LRCH1: variants seen among roughly 807,000 people sequenced by gnomAD.
LRCH1 encodes the protein leucine rich repeats and calponin homology domain containing 1.
In LRCH1, 23 loss-of-function variants were observed where a neutral mutation model predicts 94.9. That is an observed-to-expected ratio of 0.24 (90% confidence interval 0.17 to 0.34). LRCH1 has a LOEUF of 0.34. LRCH1 is among the 10% of genes least tolerant of loss of function. The pLI, the probability that LRCH1 is intolerant of heterozygous loss-of-function variation, is 1.00. For missense variants in LRCH1, 790 were observed against 945.9 expected, an observed-to-expected ratio of 0.84 and a Z score of 2.16; for synonymous variants, 364 against 354.9, an observed-to-expected ratio of 1.03 and a Z score of -0.29.
chr13:46,630,564 A>G (rs747016121), intron 1 of LRCH1, among the ~76,000 whole-genome samples: 3 of 152,210 alleles, frequency 2.0e-5, no homozygotes, highest in South Asian at 4.1e-4. Context: ...CCTTAATTTG[A>G]TAAGAGCTCT....
Position 46,676,274 on chromosome 13 carries a change from G to C in LRCH1, c.580-5467G>C, listed in dbSNP as rs548104938. Among the ~76,000 whole-genome samples the C allele has an allele frequency of 2.6e-5, 4 of 151,946 alleles. No homozygotes were observed. The South Asian group carries it at 6.3e-4, about 24-fold the overall frequency. On this transcript the variant is annotated intron_variant, in intron 3 of 19. Coordinates refer to ENST00000389797, the MANE Select transcript of LRCH1 (RefSeq NM_001164211.2). ...TCCGTCTCGGTGGGGTGGGGGGAAAGACAGCAAGTTCTGACCACAAGCATT... is the reference window on the plus strand; with the variant it reads ...TCCGTCTCGGTGGGGTGGGGGGAAACACAGCAAGTTCTGACCACAAGCATT...
At chr13:46,561,653 T>C (rs1035477369) in intron 1 of LRCH1, among the ~76,000 whole-genome samples, 8 of 152,230 alleles carry the variant, frequency 5.3e-5, no homozygotes, top group Non-Finnish European at 1.2e-4. Flanking sequence ...TTAACTACTT[T>C]ATCTCTGCAG....
chr13:46,617,862 T>C (rs970577302), intron 1 of LRCH1, among the ~76,000 whole-genome samples: 1 of 152,192 alleles, frequency 6.6e-6, no homozygotes, highest in African/African-American at 2.4e-5. Context: ...CATTTTGCTT[T>C]TGTTCATTTG....
At chr13:46,647,930 C>A (rs2051243876) in intron 1 of LRCH1, among the ~76,000 whole-genome samples, 1 of 151,964 alleles carries the variant, frequency 6.6e-6, no homozygotes, top group Non-Finnish European at 1.5e-5. Flanking sequence ...GCACCAGGGA[C>A]CGGTTTTGTG....
At chr13:46,666,181 A>T (rs545361100) in intron 2 of LRCH1, among the ~76,000 whole-genome samples, 155 of 152,338 alleles carry the variant, frequency 1.0e-3, no homozygotes, top group African/African-American at 3.5e-3. Context: ...TAAACAAGAC[A>T]TATATGGAAC....
chr13:46,569,468 G>A (rs554063197), intron 1 of LRCH1, among the ~76,000 whole-genome samples: 99 of 152,288 alleles, frequency 6.5e-4, no homozygotes, highest in Middle Eastern at 6.8e-3. Context: ...GTAGAGAACT[G>A]CCCTTTGCTG....
At chr13:46,715,358 C>T (rs1215708998) in intron 15 of LRCH1, among the ~76,000 whole-genome samples, 1 of 152,168 alleles carries the variant, frequency 6.6e-6, no homozygotes, top group Non-Finnish European at 1.5e-5. Context: ...TACTAACACT[C>T]AGTTTTTATC....
chr13:46,673,110 A>C (rs2051623017), intron 3 of LRCH1, among the ~76,000 whole-genome samples: 1 of 152,252 alleles, frequency 6.6e-6, no homozygotes, highest in South Asian at 2.1e-4. Flanking sequence ...TATAAAAAAT[A>C]TTAATGAGAT....
intron 1 of LRCH1, among the ~76,000 whole-genome samples, chr13:46,639,356 C>A (rs1347597008): frequency 6.6e-6 from 1 of 152,142 alleles, no homozygotes; most frequent in Non-Finnish European, 1.5e-5. Flanking sequence ...GATTCATTTT[C>A]TTTGCATTTC....
intron 19 of LRCH1, among the ~76,000 whole-genome samples, chr13:46,741,140 T>A (rs1395099493): frequency 1.3e-5 from 2 of 151,702 alleles, no homozygotes; most frequent in Non-Finnish European, 2.9e-5. Flanking sequence ...AAAAAAAAAA[T>A]TAAATGTGTG....
At chr13:46,643,707 C>T (rs1204382758) in intron 1 of LRCH1, among the ~76,000 whole-genome samples, 2 of 152,048 alleles carry the variant, frequency 1.3e-5, no homozygotes, top group Non-Finnish European at 1.5e-5. Context: ...TTTTTTTGCA[C>T]CCTCTTCCTC....
At chr13:46,722,615 A>G (rs561829260) in intron 16 of LRCH1, among the ~76,000 whole-genome samples, 34 of 152,258 alleles carry the variant, frequency 2.2e-4, no homozygotes, top group African/African-American at 6.7e-4. Flanking sequence ...CCCTTCAGCT[A>G]CTTCCAATCT....
At chr13:46,626,456 T>C (rs1455482177) in intron 1 of LRCH1, among the ~76,000 whole-genome samples, 1 of 152,184 alleles carries the variant, frequency 6.6e-6, no homozygotes, top group African/African-American at 2.4e-5. Context: ...CTTTGTAATC[T>C]CCCCCACCCT....
intron 2 of LRCH1, among the ~76,000 whole-genome samples, chr13:46,658,539 G>A (rs1371584363): frequency 1.3e-5 from 2 of 152,170 alleles, no homozygotes; most frequent in Non-Finnish European, 2.9e-5. Context: ...GAGTGCAGTG[G>A]TGCAATTACG....
At chr13:46,653,255 ATTCTGTTTTTG>A (rs2051329014) in intron 2 of LRCH1, among the ~76,000 whole-genome samples, 1 of 152,174 alleles carries the variant, frequency 6.6e-6, no homozygotes, top group Admixed American at 6.5e-5. Flanking sequence ...TACATGGGTC[ATTCTGTTTTTG>A]TTCTGTTTTT....
chr13:46,593,283 C>CTTT (rs34821427), intron 1 of LRCH1, among the ~76,000 whole-genome samples: 3 of 92,198 alleles, frequency 3.3e-5, no homozygotes, highest in Non-Finnish European at 2.1e-5. Context: ...TCTTTCTTTC[C>CTTT]TTTTTTTTTT....
At chr13:46,608,214 C>T (rs775039208) in intron 1 of LRCH1, among the ~76,000 whole-genome samples, 8 of 152,164 alleles carry the variant, frequency 5.3e-5, no homozygotes, top group Non-Finnish European at 8.8e-5. Context: ...TGCATTCACA[C>T]GAGTCACAGG....
At chr13:46,716,457 C>T (rs982734866) in intron 16 of LRCH1, among the ~76,000 whole-genome samples, 3 of 152,270 alleles carry the variant, frequency 2.0e-5, no homozygotes, top group African/African-American at 7.2e-5. Context: ...CATTTTACTT[C>T]AGAATACAAA....
At chr13:46,635,535 A>G (rs1157538960) in intron 1 of LRCH1, among the ~76,000 whole-genome samples, 1 of 131,864 alleles carries the variant, frequency 7.6e-6, no homozygotes, top group Non-Finnish European at 1.5e-5. Context: ...CAGTGGCACG[A>G]TCTCAGCTCA....
Sources: gnomAD v4.1 joint callset for allele counts (sites outside exome capture counted in the v4.1 genomes callset) on GRCh38, gnomAD v4.1.1 for gene constraint, MANE v1.5 for transcripts, NCBI Gene and HGNC (gene_info 2026-07-23, HGNC 2026-07-21) for gene names.